ITSN2: variants seen among roughly 807,000 people sequenced by gnomAD.
The protein encoded by ITSN2 is intersectin 2.
ITSN2 carries 156 observed loss-of-function variants against 243.7 expected under a neutral mutation model. The observed-to-expected ratio is 0.64, with a 90% CI of 0.56 to 0.73. The LOEUF is 0.73. ITSN2 is among the 30% of genes least tolerant of loss of function. The probability of loss-of-function intolerance (pLI) is 0.00; values close to 1 mark genes in which losing one functional copy is unlikely to be tolerated. For missense variants in ITSN2, 1,801 were observed against 1,996.1 expected (o/e 0.90, Z 1.86); for synonymous variants, 703 against 699.9 (o/e 1.00, Z -0.07).
In ITSN2 at chr2:24,211,338, A is replaced by G. The variant is rs1328944528; in HGVS notation, c.4090-391T>C. Among the ~76,000 whole-genome samples, 1 of 152,244 alleles carries G rather than the reference A, an allele frequency of 6.6e-6. No individual in the cohort carries two copies. Among genetic ancestry groups the G allele is most frequent in the Non-Finnish European group, 1.5e-5 (1 of 68,050 alleles). ...GTAAGTGTGAACTTGCTGAATAGCA[A>G]TGGTTCATAACAATTTTGGGGTCAC... On this transcript the variant is annotated intron_variant, in intron 33 of 39. Transcript: ENST00000355123. This position sits in a 1 kb window ranked among gnomAD's most constrained non-coding sequence, Gnocchi z 4.1.
chr2:24,313,586 T>C, intron 3 of ITSN2, 63 bp from the exon 4 acceptor site: 1 of 1,084,042 alleles, frequency 9.2e-7, no homozygotes, highest in Non-Finnish European at 1.4e-6. Context: ...CCAATGCTTC[T>C]GAATAATAAT....
Position 24,246,170 on chromosome 2 carries a change from T to G in ITSN2, c.3536A>C (p.Asn1179Thr). 6.2e-7 allele frequency: 1 copy of G among 1,613,476 alleles called. No homozygotes were observed. Among genetic ancestry groups the G allele is most frequent in the East Asian group, 2.2e-5 (1 of 44,854 alleles). ...TGAGTCTGTCGTCATCTTAACGTAG[T>G]TTGAAGGAAAGAGACCAGTCACCCC... The part of the protein sequence containing the change: ...INGVTGLFPS[N>T]YVKMTTDSDP... Residue 1179 changes from asparagine to threonine, a missense_variant, in exon 29 of 40, where the codon AAC (asparagine) becomes ACC (threonine). Asn to Thr is a moderately conservative substitution (Grantham distance 65). Transcript: ENST00000355123.
intron 19 of ITSN2, among the ~76,000 whole-genome samples, 183 bp downstream of exon 19, chr2:24,271,581 CTG>C (rs1558527794): frequency 6.6e-6 from 1 of 152,170 alleles, no homozygotes; most frequent in Non-Finnish European, 1.5e-5. Context: ...ATTTCTACTG[CTG>C]TGTTAAGATT....
chr2:24,307,015 AGGAT>A (rs1378452879), intron 8 of ITSN2, among the ~76,000 whole-genome samples: 1 of 152,182 alleles, frequency 6.6e-6, no homozygotes, highest in Non-Finnish European at 1.5e-5. Flanking sequence ...CATGTTGGCC[AGGAT>A]GGTCTCGATC....
At chr2:24,288,097 C>G (rs1407361336) in intron 15 of ITSN2, among the ~76,000 whole-genome samples, 1 of 152,058 alleles carries the variant, frequency 6.6e-6, no homozygotes, top group Non-Finnish European at 1.5e-5. Flanking sequence ...TCCAAAAAAT[C>G]ACTGCCAAGG....
chr2:24,358,727 T>C (rs1047905863), intron 1 of ITSN2, among the ~76,000 whole-genome samples: 2 of 152,242 alleles, frequency 1.3e-5, no homozygotes, highest in African/African-American at 4.8e-5. Context: ...GTACATGCTA[T>C]TTTTGTGAAA....
At chr2:24,320,946 C>A (rs1684498366) in intron 2 of ITSN2, among the ~76,000 whole-genome samples, 3 of 152,082 alleles carry the variant, frequency 2.0e-5, no homozygotes, top group Admixed American at 6.5e-5. Context: ...TTAGTCCCAG[C>A]CCGTTTTGTC....
chr2:24,270,559 A>G (rs1677215403), intron 20 of ITSN2, 112 bp downstream of exon 20: 2 of 624,610 alleles, frequency 3.2e-6, no homozygotes, highest in Non-Finnish European at 5.7e-6. Flanking sequence ...AATGTTTAAG[A>G]AACATTTTAC....
At chr2:24,311,729 A>G (rs1268335771) in intron 5 of ITSN2, 1 of 167,188 alleles carries the variant, frequency 6.0e-6, no homozygotes. Flanking sequence ...TTATTAGCCC[A>G]AAGTCTGCAA....
At position 24,336,060 on chromosome 2, in the gene ITSN2, T is replaced by C. The variant is rs575805587; in HGVS notation, c.-33-7945A>G. On this transcript the variant is annotated intron_variant, in intron 1 of 39. Transcript: ENST00000355123. The stretch of plus-strand genomic sequence containing the variant: ...ATCGAGACCATCCTGGCTAACATGG[T>C]GGAACCCCGTCTCTACTAAAAATAC... Among the ~76,000 whole-genome samples, 214 of 151,398 alleles carry C rather than the reference T, an allele frequency of 1.4e-3. 1 individual carries two copies. Among genetic ancestry groups the C allele is most frequent in the Non-Finnish European group, 2.3e-3 (157 of 67,742 alleles).
intron 37 of ITSN2, 75 bp downstream of exon 37, chr2:24,208,162 C>G: frequency 8.1e-7 from 1 of 1,238,240 alleles, no homozygotes; most frequent in East Asian, 2.3e-5. Context: ...ATATCATCAG[C>G]CTGACTGCAG....
chr2:24,222,970 C>T (rs766959378), intron 29 of ITSN2, among the ~76,000 whole-genome samples: 7 of 152,240 alleles, frequency 4.6e-5, no homozygotes, highest in South Asian at 2.1e-4. Context: ...GCCCCATGCC[C>T]GGTGCAATAA....
intron 27 of ITSN2, among the ~76,000 whole-genome samples, chr2:24,248,406 A>G (rs1317447844): frequency 6.6e-6 from 1 of 152,228 alleles, no homozygotes; most frequent in African/African-American, 2.4e-5. Flanking sequence ...ATGTCTTTGG[A>G]GAAAATTATT....
At chr2:24,264,526 T>C (rs1676357878) in intron 20 of ITSN2, among the ~76,000 whole-genome samples, 1 of 152,338 alleles carries the variant, frequency 6.6e-6, no homozygotes, top group Middle Eastern at 3.4e-3. Flanking sequence ...TAGGTTCACA[T>C]TTGACATCAT....
At chr2:24,320,267 C>T (rs1030755063) in intron 2 of ITSN2, among the ~76,000 whole-genome samples, 1 of 151,902 alleles carries the variant, frequency 6.6e-6, no homozygotes, top group Non-Finnish European at 1.5e-5. Flanking sequence ...CGCCTGTAAT[C>T]CCAGCACTTT....
intron 30 of ITSN2, chr2:24,220,227 C>T (rs944699087): frequency 3.3e-5 from 21 of 627,436 alleles, no homozygotes; most frequent in South Asian, 7.1e-5. Context: ...GGGTAGGGGA[C>T]GCCTGTTCTT....
rs186161924 is a variant in ITSN2, at chr2:24,207,990, G to C, written c.4678+247C>G. 2.5e-4 allele frequency among the ~76,000 whole-genome samples: 38 copies of C among 152,048 alleles called. No individual in the cohort carries two copies. The East Asian group carries it at 6.2e-3, about 25-fold the overall frequency. On this transcript the variant is annotated intron_variant, in intron 37 of 39. Coordinates refer to ENST00000355123, the MANE Select transcript of ITSN2 (RefSeq NM_006277.3). ...AGGAGTGGAGAAGGTGCAGTGGAGT[G>C]GGGGGGATAGAGGTGGTGCAGAGAG... is the stretch of plus-strand genomic sequence containing the variant.
At chr2:24,285,130 C>T (rs1261072940) in intron 16 of ITSN2, among the ~76,000 whole-genome samples, 2 of 151,824 alleles carry the variant, frequency 1.3e-5, no homozygotes, top group African/African-American at 2.4e-5. Context: ...CTCTTGACCT[C>T]GTGATCCGCC....
At chr2:24,332,711 C>T (rs1685922979) in intron 1 of ITSN2, among the ~76,000 whole-genome samples, 1 of 152,142 alleles carries the variant, frequency 6.6e-6, no homozygotes, top group Non-Finnish European at 1.5e-5. Flanking sequence ...GGAATAATTA[C>T]CTAATGCTTA....
Sources: gnomAD v4.1 joint callset for allele counts (sites outside exome capture counted in the v4.1 genomes callset) on GRCh38, gnomAD v4.1.1 for gene constraint, Gnocchi (gnomAD v3.1) non-coding constraint, MANE v1.5 for transcripts, NCBI Gene and HGNC (gene_info 2026-07-23, HGNC 2026-07-21) for gene names.